Variants in FMN1 observed in about 807,000 individuals in gnomAD.
The protein encoded by FMN1 is formin 1, also known as formin-1.
A neutral mutation model predicts 132.4 loss-of-function variants in FMN1; 110 were observed. The ratio of observed to expected loss-of-function variants is 0.83; its 90% CI spans 0.71 to 0.97. The LOEUF is 0.97. Among genes scored for constraint, FMN1 ranks in the 50% least tolerant of loss-of-function variants. The pLI, the probability that FMN1 is intolerant of heterozygous loss-of-function variation, is 0.00. For missense variants in FMN1, 1,792 were observed against 1,705.3 expected (o/e 1.05, Z -0.90); for synonymous variants, 722 against 651.7 (o/e 1.11, Z -1.64).
chr15:33,164,544 C>T (rs1161899186), intron 3 of FMN1, among the ~76,000 whole-genome samples: 1 of 152,212 alleles, frequency 6.6e-6, no homozygotes, highest in Non-Finnish European at 1.5e-5. Flanking sequence ...GATATGTTAA[C>T]AAGGTGTGCG....
At chr15:32,884,129 G>C (rs1029298605) in intron 16 of FMN1, among the ~76,000 whole-genome samples, 3 of 152,146 alleles carry the variant, frequency 2.0e-5, no homozygotes, top group Non-Finnish European at 1.5e-5. Context: ...ATTAGTTTCT[G>C]ATTGCTACTA....
intron 2 of FMN1, among the ~76,000 whole-genome samples, chr15:33,181,953 A>C (rs972191939): frequency 6.6e-6 from 1 of 151,932 alleles, no homozygotes; most frequent in Non-Finnish European, 1.5e-5. Context: ...CAGGTGATCT[A>C]CCTGCCTCGG....
At chr15:32,821,890 C>A (rs2058228055) in intron 17 of FMN1, among the ~76,000 whole-genome samples, 1 of 152,184 alleles carries the variant, frequency 6.6e-6, no homozygotes, top group Admixed American at 6.5e-5. Flanking sequence ...CGGTCACATC[C>A]AATGCCTCAT....
chr15:33,073,891 C>T (rs953307474), intron 5 of FMN1, among the ~76,000 whole-genome samples: 6 of 151,990 alleles, frequency 3.9e-5, no homozygotes, highest in African/African-American at 1.4e-4. Context: ...TCACCACGAC[C>T]GACTAATTTT....
In FMN1 at chr15:32,952,970, T is replaced by G. The variant is rs552969553; in HGVS notation, c.3138+11137A>C. On this transcript the variant is annotated intron_variant, in intron 9 of 20. Coordinates refer to ENST00000616417, the MANE Select transcript of FMN1 (RefSeq NM_001277313.2). ...TAGCTTTTCCACCCTCTTCTTTCCC[T>G]TGCAGTGAGAAGCTAAAGGCAGTCC... Among the ~76,000 whole-genome samples, 3 of 152,262 alleles carry G rather than the reference T, an allele frequency of 2.0e-5. No homozygotes were observed. The South Asian group carries it at 6.2e-4, about 32-fold the overall frequency.
At chr15:32,861,731 C>T (rs2059273666) in intron 16 of FMN1, among the ~76,000 whole-genome samples, 1 of 152,126 alleles carries the variant, frequency 6.6e-6, no homozygotes, top group Admixed American at 6.5e-5. Context: ...TGCCACGGTG[C>T]AAATCTCCTG....
rs542160623 is a variant in FMN1 at position 33,131,168 on chromosome 15, A to T, written c.1867+21880T>A. 3.3e-5 allele frequency among the ~76,000 whole-genome samples: 5 copies of T among 152,210 alleles called. No individual in the cohort carries two copies. In the East Asian group the frequency reaches 9.7e-4, roughly 29 times the overall value. ...AAATACAAAAAATTACAAAAAATAC[A>T]AATACAAAAAATTAGCTAGGTGTGG... On this transcript the variant is annotated intron_variant, in intron 4 of 20. Transcript: ENST00000616417.
chr15:32,849,038 C>A (rs1385539880), intron 17 of FMN1, among the ~76,000 whole-genome samples: 1 of 129,316 alleles, frequency 7.7e-6, no homozygotes, highest in African/African-American at 2.8e-5. Flanking sequence ...TGCTGGAGTG[C>A]AGTGGCGCAA....
chr15:33,069,142 A>G (rs1445232940), intron 5 of FMN1, among the ~76,000 whole-genome samples: 1 of 152,240 alleles, frequency 6.6e-6, no homozygotes, highest in Non-Finnish European at 1.5e-5. Context: ...ATTTGCCTCA[A>G]CAAAAACAGG....
At chr15:33,150,101 C>T (rs905656840) in intron 4 of FMN1, 2 of 985,456 alleles carry the variant, frequency 2.0e-6, no homozygotes, top group Admixed American at 6.1e-5. Flanking sequence ...CACAGGATTA[C>T]TCAAGAGCAT....
chr15:33,057,968 T>A lies in FMN1; in HGVS notation c.2161+6989A>T, dbSNP rs148101466. ...GCAGACTGAGCGGAAGGAACTAAAC[T>A]GCAAGTGAAAAGTATGATGGGGCTG... On this transcript the variant is annotated intron_variant, in intron 6 of 20. Coordinates refer to ENST00000616417, the MANE Select transcript of FMN1 (RefSeq NM_001277313.2). 6.4e-4 allele frequency among the ~76,000 whole-genome samples: 70 copies of A among 108,806 alleles called. No homozygotes were observed. The East Asian group carries it at 0.016, about 25-fold the overall frequency. 71.4% of individuals were successfully genotyped at this position (108,806 alleles called of 152,430 possible).
rs8024816 is a variant in FMN1, at chr15:33,082,860, G to A, written c.2043+5939C>T. 3.2e-3 allele frequency among the ~76,000 whole-genome samples: 480 copies of A among 151,716 alleles called. 4 individuals carry two copies. Among genetic ancestry groups the A allele is most frequent in the African/African-American group, 0.011 (446 of 41,068 alleles). ...TAGTTAATAAAATATAGGATACCCA[G>A]TTAAATATGAATTTTAGATTAAAAA... is the stretch of plus-strand genomic sequence containing the variant. On this transcript the variant is annotated intron_variant, in intron 5 of 20. Transcript: ENST00000616417.
At chr15:32,922,166 T>TTC (rs2060843727) in intron 10 of FMN1, among the ~76,000 whole-genome samples, 1 of 152,132 alleles carries the variant, frequency 6.6e-6, no homozygotes. Flanking sequence ...TAGAGCCTGA[T>TTC]CTTATGTGCT....
intron 5 of FMN1, among the ~76,000 whole-genome samples, chr15:33,070,009 T>C (rs1238312177): frequency 7.2e-6 from 1 of 138,702 alleles, no homozygotes; most frequent in Admixed American, 7.3e-5. Context: ...TTTTTTTTTT[T>C]TTTTTTTTTT....
rs1964540298 is a variant in FMN1 at position 33,153,597 on chromosome 15, C to T, written c.1318G>A (p.Gly440Ser). ...GGGACACTCGTGTGGACAGGGAAGC[C>T]CAGTCTTTTCCCCTCAGGGGCTTCA... ...LDEAPEGKRL[G>S]FPVHTSVPHT... The change falls in exon 4 of 21, where the codon GGC (glycine) becomes AGC (serine). Residue 440 changes from glycine (G) to serine (S), a missense_variant. Gly to Ser is a moderately conservative substitution (Grantham distance 56). Transcript: ENST00000616417. The T allele has an allele frequency of 6.5e-7, 1 of 1,536,054 alleles. No homozygotes were observed. Among genetic ancestry groups the T allele is most frequent in the Admixed American group, 2.0e-5 (1 of 50,982 alleles).
intron 3 of FMN1, among the ~76,000 whole-genome samples, chr15:33,165,651 A>G (rs1257690062): frequency 6.6e-6 from 1 of 152,150 alleles, no homozygotes; most frequent in African/African-American, 2.4e-5. Flanking sequence ...TCGGCCTCCC[A>G]AAGTGCTGGG....
intron 7 of FMN1, among the ~76,000 whole-genome samples, chr15:32,972,630 T>C (rs960913349): frequency 1.3e-5 from 2 of 152,216 alleles, no homozygotes; most frequent in South Asian, 2.1e-4. Flanking sequence ...TTGCTGTCCC[T>C]AGTCAATCTG....
At chr15:33,082,599 A>C (rs1355118629) in intron 5 of FMN1, among the ~76,000 whole-genome samples, 21 of 152,166 alleles carry the variant, frequency 1.4e-4, no homozygotes, top group Admixed American at 1.4e-3. Context: ...GTGCTTCTCT[A>C]GTCTCTGACT....
At chr15:33,044,667 C>T (rs562136944) in intron 6 of FMN1, among the ~76,000 whole-genome samples, 1 of 152,230 alleles carries the variant, frequency 6.6e-6, no homozygotes, top group East Asian at 1.9e-4. Context: ...GAGCTACCCA[C>T]CCCAGGGTCA....
Sources: allele counts gnomAD v4.1 joint callset (sites outside exome capture counted in the v4.1 genomes callset), GRCh38; gene constraint gnomAD v4.1.1; transcripts MANE v1.5; gene names NCBI Gene and HGNC (gene_info 2026-07-23, HGNC 2026-07-21).